NCALD: variants seen among roughly 807,000 people sequenced by gnomAD.
NCALD encodes neurocalcin-delta.
In NCALD, 10 loss-of-function variants were observed where a neutral mutation model predicts 18.6. That is an observed-to-expected ratio of 0.54 (90% CI 0.33 to 0.91). The LOEUF is 0.91. NCALD is among the 40% of genes least tolerant of loss of function. The probability of loss-of-function intolerance (pLI) is 0.03; values close to 1 mark genes in which losing one functional copy is unlikely to be tolerated. For missense variants in NCALD, 184 were observed against 247.6 expected, an observed-to-expected ratio of 0.74 and a Z score of 1.72; for synonymous variants, 88 against 87.4, an observed-to-expected ratio of 1.01 and a Z score of -0.04.
intron 1 of NCALD, among the ~76,000 whole-genome samples, chr8:101,774,404 G>T (rs1424781680): frequency 1.2e-4 from 18 of 152,000 alleles, no homozygotes; most frequent in Admixed American, 1.2e-3. Flanking sequence ...AACTTCCCTT[G>T]TGCATAGTTC....
chr8:102,005,890 GC>G (rs1294987682), intron 2 of NCALD, among the ~76,000 whole-genome samples: 5 of 119,510 alleles, frequency 4.2e-5, no homozygotes, highest in Non-Finnish European at 5.2e-5. Flanking sequence ...GGGTGGGGGG[GC>G]AGGGGGGAGG....
intron 4 of NCALD, among the ~76,000 whole-genome samples, chr8:101,803,900 T>C (rs1449175779): frequency 1.3e-5 from 2 of 152,218 alleles, no homozygotes; most frequent in Non-Finnish European, 2.9e-5. Flanking sequence ...AATTTTCTAC[T>C]ATGGGTAAAT....
chr8:101,852,280 A>G (rs901268636), intron 4 of NCALD, among the ~76,000 whole-genome samples: 25 of 152,134 alleles, frequency 1.6e-4, no homozygotes, highest in Non-Finnish European at 2.8e-4. Context: ...ACACTGTACT[A>G]TGTTCTTTTC....
intron 4 of NCALD, among the ~76,000 whole-genome samples, chr8:101,801,959 C>G (rs1812885351): frequency 6.6e-6 from 1 of 152,084 alleles, no homozygotes. Context: ...AACCACCGCG[C>G]CCGGCCAGCA....
chr8:101,792,066 T>C (rs1243674867), upstream of NCALD, among the ~76,000 whole-genome samples: 1 of 152,122 alleles, frequency 6.6e-6, no homozygotes, highest in Non-Finnish European at 1.5e-5. Context: ...TCAGAAAATG[T>C]ATGCCCAAAC....
intron 1 of NCALD, among the ~76,000 whole-genome samples, chr8:101,731,138 A>C (rs994593693): frequency 2.6e-5 from 4 of 152,154 alleles, no homozygotes; most frequent in Admixed American, 1.3e-4. Flanking sequence ...GAGTGAAAAC[A>C]GTGAACGAGA....
chr8:101,832,472 G>A (rs770897191), intron 4 of NCALD, among the ~76,000 whole-genome samples: 2 of 152,130 alleles, frequency 1.3e-5, no homozygotes, highest in Admixed American at 6.5e-5. Flanking sequence ...TAGCAAAGTT[G>A]GACAATCAAA....
intron 2 of NCALD, among the ~76,000 whole-genome samples, chr8:101,943,294 G>T (rs1448496309): frequency 6.6e-6 from 1 of 152,168 alleles, no homozygotes; most frequent in African/African-American, 2.4e-5. Context: ...CCAACAACCA[G>T]TTGCTATCAT....
In NCALD at chr8:101,924,106, A is replaced by G. The variant is rs1007447831; in HGVS notation, c.-156-8248T>C. On this transcript the variant is annotated intron_variant, in intron 2 of 6. Coordinates refer to the NCALD transcript ENST00000311028. ...CCCCATCCATTGATCCCCAGGGTCT[A>G]TTGTTCCCATCTTTACCATCATGTG... Among the ~76,000 whole-genome samples, 4 of 152,276 alleles carry G rather than the reference A, an allele frequency of 2.6e-5. 1 individual carries two copies. The Middle Eastern group carries it at 0.014, about 518-fold the overall frequency.
chr8:101,802,172 A>G (rs1812894475), intron 4 of NCALD, among the ~76,000 whole-genome samples: 1 of 150,264 alleles, frequency 6.7e-6, no homozygotes, highest in Non-Finnish European at 1.5e-5. Context: ...GGTGATCAGT[A>G]ATCAGTAATC....
At chr8:101,710,389 G>A (rs115612990) in intron 2 of NCALD, among the ~76,000 whole-genome samples, 2,674 of 152,220 alleles carry the variant, frequency 0.018, 83 homozygotes, top group African/African-American at 0.06. Flanking sequence ...GTACTCCAGT[G>A]GTGCCTGGAA....
intron 4 of NCALD, among the ~76,000 whole-genome samples, chr8:101,827,430 A>G (rs1269688271): frequency 6.6e-6 from 1 of 152,190 alleles, no homozygotes; most frequent in East Asian, 1.9e-4. Flanking sequence ...TATTTAATCT[A>G]CTATAACTAT....
chr8:102,061,961 T>C (rs1330444981), intron 1 of NCALD, among the ~76,000 whole-genome samples: 1 of 152,222 alleles, frequency 6.6e-6, no homozygotes, highest in Non-Finnish European at 1.5e-5. Context: ...TTTCTAGACA[T>C]GAGTCAAGAG....
At chr8:102,059,975 GT>G (rs879264300) in intron 1 of NCALD, among the ~76,000 whole-genome samples, 5 of 151,972 alleles carry the variant, frequency 3.3e-5, no homozygotes, top group South Asian at 2.1e-4. Context: ...GCTTGTTTTT[GT>G]TTTTTTGTTT....
intron 4 of NCALD, among the ~76,000 whole-genome samples, chr8:101,799,239 C>T (rs1455575189): frequency 1.3e-5 from 2 of 151,906 alleles, no homozygotes; most frequent in Admixed American, 1.3e-4. Context: ...AAGTTAAAAC[C>T]ATAATGAGAT....
At chr8:101,858,457 C>T (rs1815408033) in intron 4 of NCALD, among the ~76,000 whole-genome samples, 1 of 152,112 alleles carries the variant, frequency 6.6e-6, no homozygotes, top group Non-Finnish European at 1.5e-5. Context: ...TCTTCTCTAC[C>T]CCACAGCTAG....
At chr8:101,761,619 A>T (rs1179807991) in intron 1 of NCALD, among the ~76,000 whole-genome samples, 2 of 152,212 alleles carry the variant, frequency 1.3e-5, no homozygotes, top group African/African-American at 2.4e-5. Flanking sequence ...CTACCCTTTA[A>T]GACCTTATTA....
intron 4 of NCALD, among the ~76,000 whole-genome samples, chr8:101,841,213 G>A (rs1180835943): frequency 6.6e-6 from 1 of 152,180 alleles, no homozygotes; most frequent in African/African-American, 2.4e-5. Flanking sequence ...CTGAGGGCTG[G>A]TTGGCCAATG....
chr8:102,002,656 T>A (rs200255081), intron 2 of NCALD, among the ~76,000 whole-genome samples: 4 of 151,886 alleles, frequency 2.6e-5, no homozygotes, highest in Non-Finnish European at 4.4e-5. Flanking sequence ...ATGTAAAAGA[T>A]CAGAAATTAT....
Sources: gnomAD v4.1 joint callset for allele counts (sites outside exome capture counted in the v4.1 genomes callset) on GRCh38, gnomAD v4.1.1 for gene constraint, MANE v1.5 for transcripts, NCBI Gene and HGNC (gene_info 2026-07-23, HGNC 2026-07-21) for gene names.